The following NAA15 variants were observed in gnomAD, a reference collection of about 807,000 sequenced individuals.
The protein encoded by NAA15 is N-terminal acetyltransferase.
Under a neutral mutation model 114.0 loss-of-function variants are expected in NAA15, and 34 were observed. The observed-to-expected ratio is 0.30, with a 90% confidence interval of 0.23 to 0.40. NAA15 has a LOEUF of 0.40. NAA15 is among the 10% of genes least tolerant of loss of function. The pLI, the probability that NAA15 is intolerant of heterozygous loss-of-function variation, is 1.00. For synonymous variants in NAA15, 340 were observed against 338.0 expected (o/e 1.01, Z -0.06); for missense variants, 658 against 1,004.5 (o/e 0.66, Z 4.66).
chr4:139,374,235 G>A (rs761433239), intron 15 of NAA15, among the ~76,000 whole-genome samples: 1 of 152,200 alleles, frequency 6.6e-6, no homozygotes, highest in Non-Finnish European at 1.5e-5. Flanking sequence ...CCTTGGAAGT[G>A]TCTTAAATTG....
intron 1 of NAA15, among the ~76,000 whole-genome samples, chr4:139,304,043 A>C (rs983565825): frequency 5.9e-5 from 9 of 152,054 alleles, no homozygotes; most frequent in Non-Finnish European, 1.0e-4. Flanking sequence ...TTAGCCTCCC[A>C]AGTAGCTGGG....
chr4:139,381,118 A>G (rs560826976), intron 17 of NAA15, among the ~76,000 whole-genome samples: 2 of 152,138 alleles, frequency 1.3e-5, no homozygotes, highest in African/African-American at 2.4e-5. Context: ...GCACCCTCCA[A>G]ATCTCTAGAA....
rs1326592053 is a variant in NAA15 at position 139,368,191 on chromosome 4, A to G, written c.1754-2020A>G. Among the ~76,000 whole-genome samples, 7 of 152,224 alleles carry G rather than the reference A, an allele frequency of 4.6e-5. No homozygotes were observed. In the South Asian group the frequency reaches 6.2e-4, roughly 14 times the overall value. On this transcript the variant is annotated intron_variant, in intron 14 of 19. Coordinates refer to ENST00000296543, the MANE Select transcript of NAA15 (RefSeq NM_057175.5). ...AAAAACATAGCAGCTTTAAATAGCA[A>G]CCGTTTATTATCTGACTGTTACTAT...
rs544329676 is a variant in NAA15, at chr4:139,352,249, C to T, written c.1014+638C>T. On this transcript the variant is annotated intron_variant, in intron 9 of 19. Transcript: ENST00000296543. ...TCAGCCTCCCAACTAGCTGGGATTA[C>T]AGGCGCGTACTACCATGCCTGGCTA... Among the ~76,000 whole-genome samples the T allele has an allele frequency of 1.2e-4, 18 of 152,048 alleles. No homozygotes were observed. In the East Asian group the frequency reaches 3.5e-3, roughly 29 times the overall value.
Position 139,388,367 on chromosome 4 carries a change from T to G in NAA15, c.*283T>G, listed in dbSNP as rs895990343. On this transcript the variant is annotated 3_prime_UTR_variant, in exon 20 of 20. Transcript: ENST00000296543. ...TCCCCACCCACCCATGTTTTTAAAC[T>G]AATTTATATAAAATCTGGAGGCTGT... is the stretch of plus-strand genomic sequence containing the variant. 3.6e-5 allele frequency: 8 copies of G among 225,318 alleles called. No individual in the cohort carries two copies. Among genetic ancestry groups the G allele is most frequent in the Non-Finnish European group, 7.0e-5 (8 of 114,162 alleles). 14.0% of individuals were successfully genotyped at this position (225,318 alleles called of 1,614,324 possible). A position where few individuals can be genotyped will look rare whatever the true frequency, so the allele number is the denominator to read the frequency against.
chr4:139,380,541 A>G (rs920688166), intron 17 of NAA15, among the ~76,000 whole-genome samples: 1 of 152,226 alleles, frequency 6.6e-6, no homozygotes, highest in African/African-American at 2.4e-5. Context: ...ATTGATTAAC[A>G]TGAGTGTTTT....
intron 1 of NAA15, among the ~76,000 whole-genome samples, chr4:139,331,091 T>C (rs981644226): frequency 6.6e-6 from 1 of 152,202 alleles, no homozygotes; most frequent in African/African-American, 2.4e-5. Flanking sequence ...ACTTTTTTTT[T>C]CTGTAACAAA....
At chr4:139,343,052 G>A in intron 5 of NAA15, 92 bp downstream of exon 5, 1 of 1,165,488 alleles carries the variant, frequency 8.6e-7, no homozygotes, top group Non-Finnish European at 1.2e-6. Context: ...TTTTGAAATA[G>A]TTTCAAACTT....
chr4:139,301,967 G>T (rs113341875), intron 1 of NAA15, 136 bp downstream of exon 1: 9 of 907,754 alleles, frequency 9.9e-6, no homozygotes, highest in African/African-American at 6.8e-5. Context: ...CAGGCCGAAT[G>T]CATTGCTTTG....
In NAA15 at chr4:139,359,778, G is replaced by A; in HGVS notation, c.1293G>A (p.Met431Ile). 1.2e-6 allele frequency: 2 copies of A among 1,604,122 alleles called. No homozygotes were observed. The highest frequency in any genetic ancestry group is 1.1e-5 in the South Asian group (1 of 88,594). Residue 431 changes from methionine to isoleucine, a missense_variant, in exon 12 of 20, where the codon ATG (methionine) becomes ATA (isoleucine). By Grantham distance (10) the Met-to-Ile change is conservative (BLOSUM62 1). Coordinates refer to ENST00000296543, the MANE Select transcript of NAA15 (RefSeq NM_057175.5). The stretch of plus-strand genomic sequence containing the variant: ...ATATTAAAGAAGCTGCAAGGTGGAT[G>A]GATGAGGCCCAGGCCTTGGACACAG... ...AGNIKEAARW[M>I]DEAQALDTAD...
chr4:139,303,729 G>A (rs1236228371), intron 1 of NAA15, among the ~76,000 whole-genome samples: 1 of 152,148 alleles, frequency 6.6e-6, no homozygotes, highest in African/African-American at 2.4e-5. Flanking sequence ...CCCGGGAGGT[G>A]GAGGTTGCAG....
chr4:139,308,267 A>G (rs1156724758), intron 1 of NAA15, among the ~76,000 whole-genome samples: 2 of 152,022 alleles, frequency 1.3e-5, no homozygotes, highest in Non-Finnish European at 2.9e-5. Flanking sequence ...GGCCCATTGT[A>G]TAATAGGTAA....
chr4:139,344,941 A>G (rs1267540523), intron 6 of NAA15, among the ~76,000 whole-genome samples: 3 of 152,226 alleles, frequency 2.0e-5, no homozygotes, highest in South Asian at 4.1e-4. Flanking sequence ...GAGTCTTAAC[A>G]GTTTTAGAAG....
intron 9 of NAA15, among the ~76,000 whole-genome samples, 169 bp downstream of exon 9, chr4:139,351,780 T>C (rs1198894233): frequency 6.6e-6 from 1 of 152,154 alleles, no homozygotes; most frequent in Non-Finnish European, 1.5e-5. Flanking sequence ...CATTTCATCC[T>C]CTTTTTTTTC....
chr4:139,345,782 G>A (rs183069175), intron 6 of NAA15, among the ~76,000 whole-genome samples: 95 of 152,252 alleles, frequency 6.2e-4, no homozygotes, highest in African/African-American at 1.6e-3. Context: ...TTAGCCAGGC[G>A]TGGTGGCAGG....
chr4:139,307,897 T>C (rs920171044), intron 1 of NAA15, among the ~76,000 whole-genome samples: 12 of 152,202 alleles, frequency 7.9e-5, no homozygotes, highest in African/African-American at 2.6e-4. Flanking sequence ...GTGAGGGAAT[T>C]GTTAGGCAAA....
intron 2 of NAA15, among the ~76,000 whole-genome samples, chr4:139,336,479 A>G (rs994997083): frequency 1.3e-5 from 2 of 152,156 alleles, no homozygotes; most frequent in African/African-American, 4.8e-5. Context: ...GAAATAAAGT[A>G]TATTTTCAAG....
intron 8 of NAA15, 95 bp downstream of exon 8, chr4:139,351,381 C>T: frequency 9.5e-7 from 1 of 1,057,316 alleles, no homozygotes; most frequent in Non-Finnish European, 1.4e-6. Flanking sequence ...TAAGTTTAAG[C>T]TATACATTGT....
rs1311387490 is a variant in NAA15 at position 139,301,781 on chromosome 4, C to T, written c.4C>T (p.Pro2Ser). The change falls in exon 1 of 20, where the codon CCG becomes TCG. Residue 2 changes from proline to serine, a missense_variant. By Grantham distance (74) the Pro-to-Ser change is moderately conservative. Coordinates refer to ENST00000296543, the MANE Select transcript of NAA15 (RefSeq NM_057175.5). ...AGCAGCGGGAGCAGCCGGAACGATG[C>T]CGGCCGTGAGCCTCCCGCCCAAGGA... is the stretch of plus-strand genomic sequence containing the variant. Reference protein sequence around the residue: MPAVSLPPKENA... With the variant: MSAVSLPPKENA... 6.3e-7 allele frequency: 1 copy of T among 1,578,374 alleles called. No homozygotes were observed. Among genetic ancestry groups the T allele is most frequent in the African/African-American group, 1.4e-5 (1 of 73,798 alleles).
Sources: gnomAD v4.1 joint callset for allele counts (sites outside exome capture counted in the v4.1 genomes callset) on GRCh38, gnomAD v4.1.1 for gene constraint, MANE v1.5 for transcripts, NCBI Gene and HGNC (gene_info 2026-07-23, HGNC 2026-07-21) for gene names.